Variants in ADORA2A observed in about 807,000 individuals in gnomAD.
ADORA2A encodes adenosine A2a receptor, also known as adenosine receptor A2a.
ADORA2A carries 11 observed loss-of-function variants against 18.4 expected under a neutral mutation model. The observed-to-expected ratio is 0.60, with a 90% CI of 0.38 to 0.99. The LOEUF is 0.99. Among genes scored for constraint, ADORA2A ranks in the 50% least tolerant of loss-of-function variants. The pLI, the probability that ADORA2A is intolerant of heterozygous loss-of-function variation, is 0.01. For missense variants in ADORA2A, 449 were observed against 556.1 expected (o/e 0.81, Z 1.94); for synonymous variants, 218 against 237.3 (o/e 0.92, Z 0.75).
At chr22:24,433,865 G>A in intron 2 of ADORA2A, 129 bp downstream of exon 2, 1 of 1,146,840 alleles carries the variant, frequency 8.7e-7, no homozygotes, top group Non-Finnish European at 1.2e-6. Context: ...TGGCGACGGG[G>A]CCCCAGGCTC....
rs1357403855 is a variant in ADORA2A at position 24,441,238 on chromosome 22, G to C, written c.988G>C (p.Asp330His). The change falls in exon 3 of 3, where the codon GAC becomes CAC. Residue 330 changes from aspartate (D) to histidine (H), a missense_variant. By Grantham distance (81) the Asp-to-His change is moderately conservative. Transcript: ENST00000337539. Reference sequence around the variant, plus strand: ...CCGGGTCTTGGCAGCTCATGGCAGTGACGGAGAGCAGGTCAGCCTCCGTCT... The same window carrying C: ...CCGGGTCTTGGCAGCTCATGGCAGTCACGGAGAGCAGGTCAGCCTCCGTCT... ...SARVLAAHGSDGEQVSLRLNG... is the reference protein window; with the variant it reads ...SARVLAAHGSHGEQVSLRLNG... The C allele has an allele frequency of 6.2e-7, 1 of 1,613,724 alleles. No individual in the cohort carries two copies. Among genetic ancestry groups the C allele is most frequent in the East Asian group, 2.2e-5 (1 of 44,886 alleles).
intron 2 of ADORA2A, among the ~76,000 whole-genome samples, chr22:24,435,264 G>A (rs1239934010): frequency 6.6e-6 from 1 of 152,232 alleles, no homozygotes; most frequent in Non-Finnish European, 1.5e-5. Context: ...GTTTAGGTTC[G>A]TCCAGTGGCA....
At position 24,438,449 on chromosome 22, in the gene ADORA2A, T is replaced by C. The variant is rs2043232881; in HGVS notation, c.333-2134T>C. ...CAGAGTCAGTGCTATGTAATGTAGA[T>C]GTGAGAATGAGAGAGCCTGAGATTT... On this transcript the variant is annotated intron_variant, in intron 2 of 2. Coordinates refer to ENST00000337539, the MANE Select transcript of ADORA2A (RefSeq NM_000675.6). The C allele has an allele frequency of 2.6e-5, 4 of 152,356 alleles. No individual in the cohort carries two copies. The East Asian group carries it at 5.8e-4, about 22-fold the overall frequency. The allele number at this position is 152,356 out of a possible 1,614,324, so 9.4% of individuals were successfully genotyped here.
chr22:24,431,764 A>G, intron 1 of ADORA2A: 1 of 331,848 alleles, frequency 3.0e-6, no homozygotes, highest in Non-Finnish European at 6.0e-6. Flanking sequence ...TTGGATCCAG[A>G]CCATTCACAG....
chr22:24,434,634 CTTGAGGTG>C (rs2043129242), intron 2 of ADORA2A, among the ~76,000 whole-genome samples: 2 of 152,212 alleles, frequency 1.3e-5, no homozygotes, highest in Non-Finnish European at 2.9e-5. Flanking sequence ...ATGTATGAGG[CTTGAGGTG>C]GTGCCTCTTG....
upstream of ADORA2A, chr22:24,424,003 G>A (rs1392098620): frequency 6.6e-6 from 1 of 152,556 alleles, no homozygotes; most frequent in Non-Finnish European, 1.5e-5. This position sits in a 1 kb window ranked among gnomAD's most constrained non-coding sequence, Gnocchi z 4.9. Flanking sequence ...TGGGTGCCGG[G>A]TCCGGGGTGC....
chr22:24,427,863 G>C (rs1446164129), intron 1 of ADORA2A, 117 bp downstream of exon 1: 1 of 152,464 alleles, frequency 6.6e-6, no homozygotes, highest in African/African-American at 2.4e-5. Flanking sequence ...CCGGGGCTGC[G>C]ATGTGGGGGC....
At chr22:24,425,987 G>A (rs1412447917), upstream of ADORA2A, among the ~76,000 whole-genome samples, 1 of 152,250 alleles carries the variant, frequency 6.6e-6, no homozygotes, top group Admixed American at 6.5e-5. Flanking sequence ...GAACCCGGGA[G>A]GGAGGGTGTT....
upstream of ADORA2A, among the ~76,000 whole-genome samples, chr22:24,425,726 A>G (rs1308447338): frequency 6.6e-6 from 1 of 152,220 alleles, no homozygotes; most frequent in Non-Finnish European, 1.5e-5. Context: ...GAGGAGGGCA[A>G]TCAATGGCAA....
intron 2 of ADORA2A, 68 bp from the exon 3 acceptor site, chr22:24,440,515 G>A: frequency 6.9e-7 from 1 of 1,456,866 alleles, no homozygotes; most frequent in Non-Finnish European, 9.3e-7. Flanking sequence ...GCTGCTCTGG[G>A]GTTCTGAACT....
At chr22:24,431,981 G>A (rs1248873436) in intron 1 of ADORA2A, 1 of 163,410 alleles carries the variant, frequency 6.1e-6, no homozygotes, top group East Asian at 1.7e-4. Flanking sequence ...TATCAATGAG[G>A]AAACTGAGGC....
intron 2 of ADORA2A, 94 bp downstream of exon 2, chr22:24,433,830 G>GT: frequency 7.2e-7 from 1 of 1,386,872 alleles, no homozygotes; most frequent in Non-Finnish European, 9.7e-7. Flanking sequence ...ATCAGGGCCT[G>GT]GTCTGCAGTG....
rs763780831 is a variant in ADORA2A at position 24,440,652 on chromosome 22, C to T, written c.402C>T (p.Ala134=). 2 of 1,609,084 alleles carry T rather than the reference C, an allele frequency of 1.2e-6. No homozygotes were observed. The highest frequency in any genetic ancestry group is 1.7e-6 in the Non-Finnish European group (2 of 1,176,376). ...IIAICWVLSF[A]IGLTPMLGWN... is the part of the protein sequence containing the mutation. ...CCATCTGCTGGGTGCTGTCGTTTGC[C>T]ATCGGCCTGACTCCCATGCTAGGTT... Residue 134 remains alanine (A), a synonymous_variant, in exon 3 of 3, where the codon GCC becomes GCT. Transcript: ENST00000337539.
intron 2 of ADORA2A, among the ~76,000 whole-genome samples, chr22:24,438,950 G>A (rs2043252607): frequency 6.6e-6 from 1 of 151,840 alleles, no homozygotes; most frequent in Admixed American, 6.6e-5. Flanking sequence ...CCAGGTAAAC[G>A]CCCCACCAGC....
chr22:24,441,281 G>A lies in ADORA2A; in HGVS notation c.1031G>A (p.Gly344Glu). The change falls in exon 3 of 3, where the codon GGA (glycine) becomes GAA (glutamate). Residue 344 changes from glycine to glutamate, a missense_variant. Transcript: ENST00000337539. The stretch of plus-strand genomic sequence containing the variant: ...CTCCGTCTCAACGGCCACCCGCCAG[G>A]AGTGTGGGCCAACGGCAGTGCTCCC... ...VSLRLNGHPP[G>E]VWANGSAPHP... is the part of the protein sequence containing the mutation. The A allele has an allele frequency of 1.2e-6, 2 of 1,612,622 alleles. No individual in the cohort carries two copies. Among genetic ancestry groups the A allele is most frequent in the Non-Finnish European group, 8.5e-7 (1 of 1,179,284 alleles).
Position 24,441,853 on chromosome 22 carries a change from G to T in ADORA2A, c.*364G>T. 5.0e-6 allele frequency: 1 copy of T among 201,140 alleles called. No homozygotes were observed. 12.5% of individuals were successfully genotyped at this position (201,140 alleles called of 1,614,324 possible). On this transcript the variant is annotated 3_prime_UTR_variant, in exon 3 of 3. Coordinates refer to ENST00000337539, the MANE Select transcript of ADORA2A (RefSeq NM_000675.6). ...TGGCCTGGCCCTGAGACTGGGGAGT[G>T]GCTCCAACAGCCTCCTGCCACCCAC...
At chr22:24,440,554 G>A in intron 2 of ADORA2A, 29 bp from the exon 3 acceptor site, 3 of 1,529,334 alleles carry the variant, frequency 2.0e-6, no homozygotes, top group Non-Finnish European at 2.6e-6. Context: ...TGGCTTCTCA[G>A]ATCTCTGATG....
chr22:24,425,465 A>C (rs978943734), upstream of ADORA2A, among the ~76,000 whole-genome samples: 2 of 151,800 alleles, frequency 1.3e-5, no homozygotes, highest in African/African-American at 4.8e-5. Context: ...GCCTCTCCCT[A>C]GTCCTAGAGT....
Position 24,437,591 on chromosome 22 carries a change from AAGAGT to A in ADORA2A, c.333-2990_333-2986del, listed in dbSNP as rs1448497892. 3.3e-5 allele frequency among the ~76,000 whole-genome samples: 5 copies of A among 152,276 alleles called. No homozygotes were observed. In the East Asian group the frequency reaches 5.8e-4, roughly 18 times the overall value. ...ACTCTAAAACATTAAAAAGGAACAA[AAGAGT>A]ATAGTATAGTAGAAAGTTGTCCTCC... On this transcript the variant is annotated intron_variant, in intron 2 of 2. Transcript: ENST00000337539.
Sources: gnomAD v4.1 joint callset for allele counts (sites outside exome capture counted in the v4.1 genomes callset) on GRCh38, gnomAD v4.1.1 for gene constraint, Gnocchi (gnomAD v3.1) non-coding constraint, MANE v1.5 for transcripts, NCBI Gene and HGNC (gene_info 2026-07-23, HGNC 2026-07-21) for gene names.